MAGEC3: variants seen among roughly 807,000 people sequenced by gnomAD.
MAGEC3 encodes melanoma-associated antigen C3.
Under a neutral mutation model 35.3 loss-of-function variants are expected in MAGEC3, and 34 were observed. That is an observed-to-expected ratio of 0.96 (90% CI 0.73 to 1.28). The LOEUF is 1.28. MAGEC3 is among the 50% of genes most tolerant of loss of function. MAGEC3 has a pLI of 0.00. For missense variants in MAGEC3, 561 were observed against 483.6 expected, an observed-to-expected ratio of 1.16 and a Z score of -1.50; for synonymous variants, 202 against 185.6, an observed-to-expected ratio of 1.09 and a Z score of -0.72.
At chrX:141,887,930 T>C (rs1404800221) in intron 4 of MAGEC3, among the ~76,000 whole-genome samples, 1 of 112,316 alleles carries the variant, frequency 8.9e-6, no homozygotes, top group Non-Finnish European at 1.9e-5. Flanking sequence ...ACTGAATATT[T>C]GACTGTAGGT....
In MAGEC3 at chrX:141,879,358, A is replaced by G. The variant is rs755656307; in HGVS notation, c.442A>G (p.Arg148Gly). The G allele has an allele frequency of 4.2e-6, 5 of 1,198,508 alleles. No individual in the cohort carries two copies. The South Asian group carries it at 7.3e-5, about 18-fold the overall frequency. The change falls in exon 3 of 8, where the codon AGA becomes GGA. Residue 148 changes from arginine to glycine, a missense_variant. Physicochemically the swap from Arg to Gly is moderately radical, Grantham distance 125. Transcript: ENST00000298296. The part of the protein sequence containing the change: ...WKDSDLPTWR[R>G]GTGYTLSLPA... ...GGACAGTGACCTTCCAACATGGAGGAGAGGCACAGGCTACACCCTTTCCCT... is the reference window on the plus strand; with the variant it reads ...GGACAGTGACCTTCCAACATGGAGGGGAGGCACAGGCTACACCCTTTCCCT...
chrX:141,866,133 G>A (rs1603063315), intron 2 of MAGEC3, among the ~76,000 whole-genome samples: 1 of 111,616 alleles, frequency 9.0e-6, no homozygotes, highest in East Asian at 2.8e-4. Context: ...TTAGCCCTGG[G>A]AAGAAAAGAT....
chrX:141,850,458 C>T (rs150894307), intron 1 of MAGEC3, among the ~76,000 whole-genome samples: 117 of 111,385 alleles, frequency 1.1e-3, no homozygotes, highest in African/African-American at 3.6e-3. Context: ...GCTGGAGATG[C>T]AGGAAAGTGT....
intron 4 of MAGEC3, among the ~76,000 whole-genome samples, chrX:141,894,971 A>G (rs176022): frequency 0.45 from 39,084 of 86,277 alleles, 8,909 homozygotes; most frequent in African/African-American, 0.76. Flanking sequence ...GGAGTGGGAA[A>G]GTGGGCAGGA....
At position 141,881,796 on chromosome X, in the gene MAGEC3, G is replaced by A. The variant is rs982592549; in HGVS notation, c.909G>A (p.Gly303=). ...EVIWEVLNAI[G]PWSALAGFAD... ...TCTGGGAAGTGCTGAATGCAATAGG[G>A]GTGTGTGCTCAGAGGGAGCATTTCG... The change falls in exon 4 of 8, where the codon GGG becomes GGA. Residue 303 remains glycine (G), a splice_region_variant and synonymous_variant. Transcript: ENST00000298296. The A allele has an allele frequency of 3.3e-6, 4 of 1,209,403 alleles. No homozygotes were observed. The African/African-American group carries it at 7.0e-5, about 21-fold the overall frequency.
intron 1 of MAGEC3, among the ~76,000 whole-genome samples, chrX:141,859,447 C>A (rs1172108982): frequency 9.0e-6 from 1 of 111,641 alleles, no homozygotes; most frequent in South Asian, 3.7e-4. Flanking sequence ...CTGCTCACTA[C>A]ATTTTTATCT....
intron 2 of MAGEC3, among the ~76,000 whole-genome samples, chrX:141,874,684 T>C (rs1413373915): frequency 9.0e-6 from 1 of 111,108 alleles, no homozygotes; most frequent in African/African-American, 3.3e-5. Context: ...TCAAAATGCC[T>C]GAAAATTTCA....
chrX:141,878,757 C>T (rs1170205518), intron 2 of MAGEC3, among the ~76,000 whole-genome samples: 1 of 111,777 alleles, frequency 8.9e-6, no homozygotes, highest in Non-Finnish European at 1.9e-5. Context: ...TGGGCAGGGC[C>T]CTCAGTCAGA....
intron 1 of MAGEC3, among the ~76,000 whole-genome samples, chrX:141,847,601 A>G (rs1227438855): frequency 8.9e-6 from 1 of 111,874 alleles, no homozygotes; most frequent in Admixed American, 9.5e-5. Context: ...ATTAAACTAC[A>G]CATTTCAAAT....
At chrX:141,840,194 A>T (rs1008857089) in intron 1 of MAGEC3, among the ~76,000 whole-genome samples, 3 of 111,653 alleles carry the variant, frequency 2.7e-5, no homozygotes, top group African/African-American at 9.8e-5. Context: ...GAAATACCCA[A>T]CCTGGAAAGT....
At chrX:141,877,910 A>G (rs1195738233) in intron 2 of MAGEC3, among the ~76,000 whole-genome samples, 1 of 112,014 alleles carries the variant, frequency 8.9e-6, no homozygotes, top group Non-Finnish European at 1.9e-5. Flanking sequence ...CCTAAAACTA[A>G]TGAGCCAGTA....
rs531341627 is a variant in MAGEC3 at position 141,879,161 on chromosome X, G to C, written c.259-14G>C. Reference sequence around the variant, plus strand: ...CTGGTAGTGCCCCTCCCCTGTCCCTGTGCCTGCTGCCAGCTCTGGAGGACC... The same window carrying C: ...CTGGTAGTGCCCCTCCCCTGTCCCTCTGCCTGCTGCCAGCTCTGGAGGACC... On this transcript the variant is annotated splice_polypyrimidine_tract_variant and intron_variant, in intron 2 of 7. Coordinates refer to ENST00000298296, the MANE Select transcript of MAGEC3 (RefSeq NM_138702.1). 123 of 1,162,649 alleles carry C rather than the reference G, an allele frequency of 1.1e-4. 1 individual carries two copies. The South Asian group carries it at 2.3e-3, about 22-fold the overall frequency.
chrX:141,867,149 A>G (rs1246567506), intron 2 of MAGEC3, among the ~76,000 whole-genome samples: 1 of 111,982 alleles, frequency 8.9e-6, no homozygotes, highest in Non-Finnish European at 1.9e-5. Flanking sequence ...TTCCATTAAA[A>G]AAAAATCTAT....
intron 2 of MAGEC3, among the ~76,000 whole-genome samples, chrX:141,869,819 A>G (rs75269497): frequency 0.065 from 7,301 of 112,179 alleles, 281 homozygotes; most frequent in East Asian, 0.33. Flanking sequence ...AACTTTAATT[A>G]TGATTAATAG....
intron 4 of MAGEC3, among the ~76,000 whole-genome samples, chrX:141,893,024 T>C (rs1223923624): frequency 8.9e-6 from 1 of 111,769 alleles, no homozygotes; most frequent in Non-Finnish European, 1.9e-5. Flanking sequence ...CAATTTAAAG[T>C]GGACAAAAAC....
chrX:141,867,965 A>G (rs925551171), intron 2 of MAGEC3, among the ~76,000 whole-genome samples: 2 of 110,958 alleles, frequency 1.8e-5, no homozygotes, highest in African/African-American at 6.6e-5. Context: ...TACTAAAAAT[A>G]CAAAAAAATT....
rs577043670 is a variant in MAGEC3, at chrX:141,863,311, G to A, written c.124-2160G>A. 3.0e-4 allele frequency among the ~76,000 whole-genome samples: 33 copies of A among 111,042 alleles called. No individual in the cohort carries two copies. The South Asian group carries it at 0.01, about 34-fold the overall frequency. On this transcript the variant is annotated intron_variant, in intron 1 of 7. Coordinates refer to ENST00000298296, the MANE Select transcript of MAGEC3 (RefSeq NM_138702.1). ...AAGGATAAGTTGTTGTTGGAGGTTCGTTGGAAGGAGGAAGAGGGATGACTA... is the reference window on the plus strand; with the variant it reads ...AAGGATAAGTTGTTGTTGGAGGTTCATTGGAAGGAGGAAGAGGGATGACTA...
At chrX:141,862,355 G>C (rs932092188) in intron 1 of MAGEC3, among the ~76,000 whole-genome samples, 1 of 111,820 alleles carries the variant, frequency 8.9e-6, no homozygotes, top group African/African-American at 3.3e-5. Context: ...CAGTACAAAT[G>C]CAATGGAAAA....
At chrX:141,841,579 G>T (rs2017686043) in intron 1 of MAGEC3, among the ~76,000 whole-genome samples, 1 of 111,334 alleles carries the variant, frequency 9.0e-6, no homozygotes, top group African/African-American at 3.3e-5. Context: ...GCCCCCACTA[G>T]CATAAAATAT....
Sources: allele counts gnomAD v4.1 joint callset (sites outside exome capture counted in the v4.1 genomes callset), GRCh38; gene constraint gnomAD v4.1.1; transcripts MANE v1.5; gene names NCBI Gene and HGNC (gene_info 2026-07-23, HGNC 2026-07-21).